Variants in GALNT16 observed in about 807,000 individuals in gnomAD.
The protein encoded by GALNT16 is UDP-GalNAc:polypeptide N-acetylgalactosaminyltransferase-like protein 1.
GALNT16 carries 40 observed loss-of-function variants against 76.1 expected under a neutral mutation model. The ratio of observed to expected loss-of-function variants is 0.53; its 90% confidence interval spans 0.41 to 0.68. The LOEUF (loss-of-function observed/expected upper bound fraction) is 0.68. Ranked by LOEUF, GALNT16 falls within the 30% of genes least tolerant of loss-of-function variation. The pLI, the probability that GALNT16 is intolerant of heterozygous loss-of-function variation, is 0.00. For missense variants in GALNT16, 621 were observed against 731.9 expected, an observed-to-expected ratio of 0.85 and a Z score of 1.75; for synonymous variants, 276 against 285.2, an observed-to-expected ratio of 0.97 and a Z score of 0.32.
rs537492606 is a variant in GALNT16, at chr14:69,354,121, C to T, written c.*1953C>T. ...GATCCCCTGTTCATCTGGGAAGCCT[C>T]CTGCCACAGCTTAGGACAGAACTGG... On this transcript the variant is annotated 3_prime_UTR_variant, in exon 15 of 15. Transcript: ENST00000448469. 2.6e-5 allele frequency: 4 copies of T among 153,078 alleles called. 1 individual carries two copies. In the South Asian group the frequency reaches 8.3e-4, roughly 32 times the overall value. The allele number at this position is 153,078 out of a possible 1,614,324, so 9.5% of individuals were successfully genotyped here.
At chr14:69,300,472 A>C (rs1283854235) in intron 1 of GALNT16, among the ~76,000 whole-genome samples, 1 of 152,198 alleles carries the variant, frequency 6.6e-6, no homozygotes, top group African/African-American at 2.4e-5. Flanking sequence ...TAGGGAGCCC[A>C]GGCAGCATTC....
the GALNT16 span, among the ~76,000 whole-genome samples, chr14:69,365,163 T>C: frequency 6.6e-6 from 1 of 152,244 alleles, no homozygotes; most frequent in Non-Finnish European, 1.5e-5. Context: ...GTCTACTGAC[T>C]TGTCCCTAAA....
rs1433540918 is a variant in GALNT16 at position 69,354,323 on chromosome 14, C to G, written c.*2155C>G. On this transcript the variant is annotated 3_prime_UTR_variant, in exon 15 of 15. Transcript: ENST00000448469. ...TGCTGTGGTCAGATCAGGCTCTGCA[C>G]TTATCAGCCGGTCCTTTGTGGCAAC... The G allele has an allele frequency of 6.5e-6, 1 of 152,806 alleles. No homozygotes were observed. The highest frequency in any genetic ancestry group is 2.4e-5 in the African/African-American group (1 of 41,476). The allele number at this position is 152,806 out of a possible 1,614,324, so 9.5% of individuals were successfully genotyped here.
At chr14:69,313,121 A>G (rs535358594) in intron 1 of GALNT16, among the ~76,000 whole-genome samples, 3 of 152,082 alleles carry the variant, frequency 2.0e-5, no homozygotes, top group Non-Finnish European at 1.5e-5. Flanking sequence ...TGCACAGTAG[A>G]CCCTCAATGA....
intron 1 of GALNT16, among the ~76,000 whole-genome samples, chr14:69,314,998 G>A (rs960031231): frequency 1.3e-5 from 2 of 152,174 alleles, no homozygotes; most frequent in African/African-American, 4.8e-5. Context: ...CTAAAATTTA[G>A]GGGTATGTGT....
the GALNT16 span, among the ~76,000 whole-genome samples, chr14:69,381,204 C>G: frequency 2.6e-5 from 4 of 152,112 alleles, no homozygotes; most frequent in African/African-American, 9.6e-5. Context: ...TTGCTTCAAC[C>G]GGTGGAGGAT....
intron 1 of GALNT16, among the ~76,000 whole-genome samples, chr14:69,272,633 C>T (rs1479926810): frequency 6.6e-6 from 1 of 152,166 alleles, no homozygotes; most frequent in Non-Finnish European, 1.5e-5. Flanking sequence ...CCTAGGCCTT[C>T]CCATTCACTC....
intron 14 of GALNT16, chr14:69,351,822 G>C: frequency 2.0e-6 from 1 of 506,964 alleles, no homozygotes; most frequent in East Asian, 3.5e-5. Flanking sequence ...TGAGGCAAGA[G>C]GATTGCTTGA....
In GALNT16 at chr14:69,352,629, G is replaced by A. The variant is rs185969579; in HGVS notation, c.*461G>A. The A allele has an allele frequency of 1.9e-5, 3 of 156,226 alleles. No homozygotes were observed. In the East Asian group the frequency reaches 5.7e-4, roughly 30 times the overall value. 9.7% of individuals were successfully genotyped at this position (156,226 alleles called of 1,614,324 possible). A position where few individuals can be genotyped will look rare whatever the true frequency, so the allele number is the denominator to read the frequency against. On this transcript the variant is annotated 3_prime_UTR_variant, in exon 15 of 15. Transcript: ENST00000448469. ...CATGGATGGAGAGGCTGAAGGCTGG[G>A]AAGAGGGAAGGGGAGAGGGGCAGCC...
At chr14:69,274,834 G>T (rs2044451053) in intron 1 of GALNT16, among the ~76,000 whole-genome samples, 1 of 152,178 alleles carries the variant, frequency 6.6e-6, no homozygotes, top group Admixed American at 6.5e-5. Context: ...GACCAGAACA[G>T]CAGGCCTGAG....
At chr14:69,329,340 G>A (rs547537490) in intron 6 of GALNT16, among the ~76,000 whole-genome samples, 2 of 152,174 alleles carry the variant, frequency 1.3e-5, no homozygotes, top group African/African-American at 4.8e-5. Flanking sequence ...CTGGGCAACT[G>A]AGCGAGACTC....
chr14:69,296,212 T>G (rs571176534), intron 1 of GALNT16, among the ~76,000 whole-genome samples: 1 of 152,034 alleles, frequency 6.6e-6, no homozygotes, highest in East Asian at 1.9e-4. Flanking sequence ...AACAACCAGA[T>G]CTCATGAGAA....
At chr14:69,326,171 ACT>A (rs2045282235) in intron 5 of GALNT16, 144 bp downstream of exon 5, 2 of 701,214 alleles carry the variant, frequency 2.9e-6, no homozygotes, top group Non-Finnish European at 5.1e-6. Flanking sequence ...TCTGCAGAAG[ACT>A]CTCCTCCTTC....
At chr14:69,305,012 G>T (rs1339356957) in intron 1 of GALNT16, among the ~76,000 whole-genome samples, 2 of 137,386 alleles carry the variant, frequency 1.5e-5, no homozygotes, top group Non-Finnish European at 3.2e-5. Context: ...TGTTATGGAA[G>T]TTCTATTGTT....
intron 2 of GALNT16, among the ~76,000 whole-genome samples, chr14:69,321,572 T>A (rs1056266652): frequency 6.6e-6 from 1 of 152,152 alleles, no homozygotes; most frequent in Non-Finnish European, 1.5e-5. Flanking sequence ...CCGCTCCCCA[T>A]GACCTGGCCT....
At chr14:69,325,270 G>A (rs1321040672) in intron 3 of GALNT16, 67 bp from the exon 4 acceptor site, 21 of 998,604 alleles carry the variant, frequency 2.1e-5, no homozygotes, top group East Asian at 4.7e-5. Flanking sequence ...CCACGGCCCC[G>A]GGAGTGGTAA....
At position 69,331,532 on chromosome 14, in the gene GALNT16, A is replaced by T. The variant is rs748615009; in HGVS notation, c.759A>T (p.Ala253=). 1 of 1,603,842 alleles carries T rather than the reference A, an allele frequency of 6.2e-7. No homozygotes were observed. The change falls in exon 7 of 15, where the codon GCA becomes GCT. Residue 253 remains alanine, a synonymous_variant. Transcript: ENST00000448469. The part of the protein sequence containing the change: ...ISLDNFAYLA[A]SADLRGGFDW... The stretch of plus-strand genomic sequence containing the variant: ...TGGATAATTTTGCCTACCTTGCAGC[A>T]TCTGCTGACCTTCGTGGAGGTGAGT...
At chr14:69,337,506 G>A (rs1369078365) in intron 9 of GALNT16, among the ~76,000 whole-genome samples, 1 of 152,228 alleles carries the variant, frequency 6.6e-6, no homozygotes, top group Admixed American at 6.5e-5. Flanking sequence ...AACAAAGTTG[G>A]GATGGCAGAA....
intron 1 of GALNT16, among the ~76,000 whole-genome samples, chr14:69,275,515 G>A (rs1436678105): frequency 6.6e-6 from 1 of 152,196 alleles, no homozygotes; most frequent in Non-Finnish European, 1.5e-5. Flanking sequence ...ATCCTTGGGT[G>A]TGTCTATGTG....
Sources: gnomAD v4.1 joint callset for allele counts (sites outside exome capture counted in the v4.1 genomes callset) on GRCh38, gnomAD v4.1.1 for gene constraint, MANE v1.5 for transcripts, NCBI Gene and HGNC (gene_info 2026-07-23, HGNC 2026-07-21) for gene names.